Variants in SUPT5H observed in about 807,000 individuals in gnomAD.
SUPT5H encodes the protein SPT5 homolog, DSIF elongation factor subunit, also known as transcription elongation factor SPT5.
Under a neutral mutation model 142.5 loss-of-function variants are expected in SUPT5H, and 24 were observed. That is an observed-to-expected ratio of 0.17 (90% CI 0.12 to 0.24). SUPT5H has a LOEUF of 0.24. Ranked by LOEUF, SUPT5H falls within the 10% of genes least tolerant of loss-of-function variation. SUPT5H has a pLI of 1.00. For missense variants in SUPT5H, 893 were observed against 1,471.8 expected, an observed-to-expected ratio of 0.61 and a Z score of 6.43; for synonymous variants, 546 against 553.0, an observed-to-expected ratio of 0.99 and a Z score of 0.18.
At chr19:39,471,182 C>G (rs2079314453) in intron 18 of SUPT5H, among the ~76,000 whole-genome samples, 175 bp from the exon 19 acceptor site, 1 of 152,076 alleles carries the variant, frequency 6.6e-6, no homozygotes, top group South Asian at 2.1e-4. Context: ...TTTGGTTGAC[C>G]CAGTACCTAA....
intron 13 of SUPT5H, chr19:39,467,515 G>A (rs1206766250): frequency 6.6e-6 from 1 of 152,238 alleles, no homozygotes; most frequent in Non-Finnish European, 1.5e-5. Context: ...ATATTGAAAT[G>A]GGATTCATGG....
rs111847205 is a variant in SUPT5H at position 39,467,331 on chromosome 19, C to T, written c.1037+586C>T. On this transcript the variant is annotated intron_variant, in intron 13 of 29. Transcript: ENST00000432763. ...CCACGAGGCAGAAATTGCAGTGAGC[C>T]GAGATCGTGCCACTGCACTCCAGCC... The T allele has an allele frequency of 7.6e-3, 1,160 of 152,130 alleles. 6 individuals are homozygous for T. Among genetic ancestry groups the T allele is most frequent in the Middle Eastern group, 0.01 (3 of 294 alleles). The allele number at this position is 152,130 out of a possible 1,614,324, so 9.4% of individuals were successfully genotyped here.
rs975308926 is a variant in SUPT5H, at chr19:39,445,799, C to T, written c.-87-5C>T. On this transcript the variant is annotated splice_region_variant and splice_polypyrimidine_tract_variant and intron_variant, in intron 1 of 29. Transcript: ENST00000432763. ...GAAGCGCCCTAAGGGGTTTTCTTCTCCCAGGGAACCAGCGGGGAAACTGAG... is the reference window on the plus strand; with the variant it reads ...GAAGCGCCCTAAGGGGTTTTCTTCTTCCAGGGAACCAGCGGGGAAACTGAG... The T allele has an allele frequency of 5.3e-6, 8 of 1,504,810 alleles. No homozygotes were observed. The Middle Eastern group carries it at 5.1e-4, about 96-fold the overall frequency. 93.2% of individuals were successfully genotyped at this position (1,504,810 alleles called of 1,614,324 possible).
rs1215373382 is a variant in SUPT5H at position 39,474,759 on chromosome 19, C to T, written c.3024+41C>T. 1.3e-6 allele frequency: 2 copies of T among 1,562,572 alleles called. No homozygotes were observed. Among genetic ancestry groups the T allele is most frequent in the Non-Finnish European group, 1.7e-6 (2 of 1,151,964 alleles). On this transcript the variant is annotated intron_variant, in intron 28 of 29. Coordinates refer to ENST00000432763, the MANE Select transcript of SUPT5H (RefSeq NM_001111020.3). This position sits in a 1 kb window ranked among gnomAD's most constrained non-coding sequence, Gnocchi z 6.5. ...GGTGGTGGGTGAGCAGGCATCCTCT[C>T]CTTGGTACCCCCTAAACTGGAGACA...
rs938297493 is a variant in SUPT5H, at chr19:39,445,930, G to A, written c.40G>A (p.Asp14Asn). Residue 14 changes from aspartate (D) to asparagine (N), a missense_variant, in exon 2 of 30, where the codon GAC becomes AAC. This residue lies in a region of SUPT5H where 70 missense variants were observed against 70.5 expected (regional missense o/e 0.99). Coordinates refer to ENST00000432763, the MANE Select transcript of SUPT5H (RefSeq NM_001111020.3). ...GGACAGCAACTTTTCCGAGGAGGAG[G>A]ACAGCGAGCGCAGCAGTGACGGCGA... is the stretch of plus-strand genomic sequence containing the variant. Reference protein sequence around the residue: ...SEDSNFSEEEDSERSSDGEEA... With the variant: ...SEDSNFSEEENSERSSDGEEA... 3 of 1,613,528 alleles carry A rather than the reference G, an allele frequency of 1.9e-6. No individual in the cohort carries two copies. The highest frequency in any genetic ancestry group is 2.5e-6 in the Non-Finnish European group (3 of 1,180,040).
chr19:39,458,485 A>T lies in SUPT5H; in HGVS notation c.319+180A>T. The T allele has an allele frequency of 8.6e-7, 1 of 1,168,730 alleles. No individual in the cohort carries two copies. The highest frequency in any genetic ancestry group is 1.2e-6 in the Non-Finnish European group (1 of 829,108). 72.4% of individuals were successfully genotyped at this position (1,168,730 alleles called of 1,614,324 possible). On this transcript the variant is annotated intron_variant, in intron 5 of 29. Transcript: ENST00000432763. This position sits in a 1 kb window ranked among gnomAD's most constrained non-coding sequence, Gnocchi z 4.2. ...GGGGCCAGGTATACCCCAGTTGTTG[A>T]CCTGGGAAAGCACGGATGTGTCTGT...
Position 39,476,118 on chromosome 19 carries a change from A to G in SUPT5H, c.3062A>G (p.Lys1021Arg). ...MCSVYLKDSEKVVSISSEHLE... is the reference protein window; with the variant it reads ...MCSVYLKDSERVVSISSEHLE... ...TCTGTGTACCTGAAGGACAGTGAGA[A>G]GGTTGTCAGCATTTCCAGTGAGCAC... The change falls in exon 29 of 30, where the codon AAG becomes AGG. Residue 1021 changes from lysine to arginine, a missense_variant. Physicochemically the swap from Lys to Arg is conservative, Grantham distance 26. Coordinates refer to ENST00000432763, the MANE Select transcript of SUPT5H (RefSeq NM_001111020.3). 1 of 1,614,130 alleles carries G rather than the reference A, an allele frequency of 6.2e-7. No individual in the cohort carries two copies. Among genetic ancestry groups the G allele is most frequent in the Non-Finnish European group, 8.5e-7 (1 of 1,180,008 alleles).
Position 39,466,253 on chromosome 19 carries a change from AG to A in SUPT5H, c.877-224del. Among the ~76,000 whole-genome samples the A allele has an allele frequency of 6.6e-6, 1 of 152,120 alleles. No homozygotes were observed. The highest frequency in any genetic ancestry group is 1.9e-4 in the East Asian group (1 of 5,178). On this transcript the variant is annotated intron_variant, in intron 11 of 29. Coordinates refer to ENST00000432763, the MANE Select transcript of SUPT5H (RefSeq NM_001111020.3). This position sits in a 1 kb window ranked among gnomAD's most constrained non-coding sequence, Gnocchi z 4.3. ...TTTGGCTGCGGTCGTCCTGGATTTG[AG>A]GGACCTTTAGACATCCAGGTGGAGA... is the stretch of plus-strand genomic sequence containing the variant.
Position 39,473,181 on chromosome 19 carries a change from C to A in SUPT5H, c.2259-22C>A. ...GGCAGTGAGAGGGGTCTGCTCACCC[C>A]ATTTGTTCTCTGCGTCCCCAGGGGC... On this transcript the variant is annotated intron_variant, in intron 23 of 29. Coordinates refer to ENST00000432763, the MANE Select transcript of SUPT5H (RefSeq NM_001111020.3). This position sits in a 1 kb window ranked among gnomAD's most constrained non-coding sequence, Gnocchi z 5.8. 1.2e-6 allele frequency: 2 copies of A among 1,611,412 alleles called. No homozygotes were observed. The highest frequency in any genetic ancestry group is 1.7e-6 in the Non-Finnish European group (2 of 1,179,882).
intron 2 of SUPT5H, among the ~76,000 whole-genome samples, chr19:39,452,305 AC>A (rs1176308671): frequency 6.6e-6 from 1 of 152,190 alleles, no homozygotes; most frequent in Non-Finnish European, 1.5e-5. Flanking sequence ...AGATGAGGAC[AC>A]GTGTCATCTC....
At chr19:39,462,964 C>A (rs2079184676) in intron 10 of SUPT5H, among the ~76,000 whole-genome samples, 1 of 150,116 alleles carries the variant, frequency 6.7e-6, no homozygotes, top group Admixed American at 6.7e-5. Flanking sequence ...CTCAGCCTCC[C>A]AAGTAGCTGG....
chr19:39,458,024 C>A lies in SUPT5H; in HGVS notation c.308-270C>A. The A allele has an allele frequency of 1.4e-6, 1 of 730,328 alleles. No homozygotes were observed. Among genetic ancestry groups the A allele is most frequent in the Non-Finnish European group, 2.3e-6 (1 of 443,768 alleles). 45.2% of individuals were successfully genotyped at this position (730,328 alleles called of 1,614,324 possible). On this transcript the variant is annotated intron_variant, in intron 4 of 29. Coordinates refer to ENST00000432763, the MANE Select transcript of SUPT5H (RefSeq NM_001111020.3). This position sits in a 1 kb window ranked among gnomAD's most constrained non-coding sequence, Gnocchi z 4.2. The stretch of plus-strand genomic sequence containing the variant: ...GTTGTAGGGTGGGCGAGCTCTGTCC[C>A]AAGATACCCCCCACTTCCTGGGCCA...
chr19:39,470,349 G>A lies in SUPT5H; in HGVS notation c.1531-28G>A. ...CAGGTAGGCGAGCCACCTGGACTGG[G>A]CCTCACCCCTTTCACCATCCCTGGC... On this transcript the variant is annotated intron_variant, in intron 17 of 29. Transcript: ENST00000432763. This position sits in a 1 kb window ranked among gnomAD's most constrained non-coding sequence, Gnocchi z 5.8. The A allele has an allele frequency of 6.4e-7, 1 of 1,551,012 alleles. No individual in the cohort carries two copies. Among genetic ancestry groups the A allele is most frequent in the Non-Finnish European group, 8.7e-7 (1 of 1,143,932 alleles).
Position 39,458,798 on chromosome 19 carries a change from C to A in SUPT5H, c.320-20C>A. The A allele has an allele frequency of 6.2e-7, 1 of 1,604,286 alleles. No homozygotes were observed. Among genetic ancestry groups the A allele is most frequent in the South Asian group, 1.1e-5 (1 of 89,768 alleles). On this transcript the variant is annotated intron_variant, in intron 5 of 29. Coordinates refer to ENST00000432763, the MANE Select transcript of SUPT5H (RefSeq NM_001111020.3). This position sits in a 1 kb window ranked among gnomAD's most constrained non-coding sequence, Gnocchi z 4.2. Reference sequence around the variant, plus strand: ...CCCTCCACCTGCCCTTGCTCACGCCCTCTGCCCATTATTTTTCAGCCTCCA... The same window carrying A: ...CCCTCCACCTGCCCTTGCTCACGCCATCTGCCCATTATTTTTCAGCCTCCA...
Position 39,458,647 on chromosome 19 carries a change from A to G in SUPT5H, c.320-171A>G. The G allele has an allele frequency of 1.4e-6, 1 of 731,598 alleles. No individual in the cohort carries two copies. Among genetic ancestry groups the G allele is most frequent in the Non-Finnish European group, 2.2e-6 (1 of 450,834 alleles). The allele number at this position is 731,598 out of a possible 1,614,324, so 45.3% of individuals were successfully genotyped here. A position where few individuals can be genotyped will look rare whatever the true frequency, so the allele number is the denominator to read the frequency against. On this transcript the variant is annotated intron_variant, in intron 5 of 29. Transcript: ENST00000432763. The surrounding 1 kb of genome is among the most constrained non-coding windows in gnomAD (Gnocchi z 4.2). ...ATCCCCAGTCTTTTTGACAAGAAGC[A>G]GGATGCTGAGTAGGACAGAGTAGGG... is the stretch of plus-strand genomic sequence containing the variant.
chr19:39,466,468 C>T lies in SUPT5H; in HGVS notation c.877-12C>T, dbSNP rs370251508. 146 of 1,613,170 alleles carry T rather than the reference C, an allele frequency of 9.1e-5. No homozygotes were observed. Among genetic ancestry groups the T allele is most frequent in the African/African-American group, 3.5e-4 (26 of 74,872 alleles). ...AGTGGGGCCCTGCTGACCTTCTGCT[C>T]GCCCTGCTCAGGTGGACTACGTGGA... On this transcript the variant is annotated splice_polypyrimidine_tract_variant and intron_variant, in intron 11 of 29. Transcript: ENST00000432763. The surrounding 1 kb of genome is among the most constrained non-coding windows in gnomAD (Gnocchi z 4.3).
intron 18 of SUPT5H, 134 bp from the exon 19 acceptor site, chr19:39,471,223 C>T: frequency 9.3e-7 from 1 of 1,079,172 alleles, no homozygotes; most frequent in Non-Finnish European, 1.3e-6. Context: ...TGCCCCGCAG[C>T]CAGGGAATTG....
At position 39,458,275 on chromosome 19, in the gene SUPT5H, C is replaced by T. The variant is rs1380565038; in HGVS notation, c.308-19C>T. 8.4e-7 allele frequency: 1 copy of T among 1,197,170 alleles called. No individual in the cohort carries two copies. The highest frequency in any genetic ancestry group is 1.2e-6 in the Non-Finnish European group (1 of 828,528). 74.2% of individuals were successfully genotyped at this position (1,197,170 alleles called of 1,614,324 possible). ...CCACCACCACCACCACCACCACCAC[C>T]TCCTCTTCCTCCAAGTAGAAGAGAT... On this transcript the variant is annotated intron_variant, in intron 4 of 29. Coordinates refer to ENST00000432763, the MANE Select transcript of SUPT5H (RefSeq NM_001111020.3). The surrounding 1 kb of genome is among the most constrained non-coding windows in gnomAD (Gnocchi z 4.2).
chr19:39,470,386 C>T lies in SUPT5H; in HGVS notation c.1540C>T (p.Leu514Phe). 1 of 1,568,548 alleles carries T rather than the reference C, an allele frequency of 6.4e-7. No homozygotes were observed. Among genetic ancestry groups the T allele is most frequent in the Non-Finnish European group, 8.7e-7 (1 of 1,154,892 alleles). ...TCACCATCCCTGGCAGCTGAAGGTG[C>T]TCCCCCGGGACCTGCAGCTCTGCTC... The part of the protein sequence containing the change: ...SDLTMHELKV[L>F]PRDLQLCSET... The change falls in exon 18 of 30, where the codon CTC becomes TTC. Residue 514 changes from leucine to phenylalanine, a missense_variant. Around this residue, in one of 6 missense-constraint regions of SUPT5H, gnomAD observed 428 missense variants for 763.5 expected, o/e 0.56. Coordinates refer to ENST00000432763, the MANE Select transcript of SUPT5H (RefSeq NM_001111020.3). This position sits in a 1 kb window ranked among gnomAD's most constrained non-coding sequence, Gnocchi z 5.8.
Sources: allele counts gnomAD v4.1 joint callset (sites outside exome capture counted in the v4.1 genomes callset), GRCh38; gene constraint gnomAD v4.1.1; regional missense constraint gnomAD v4.1.1; non-coding constraint Gnocchi (gnomAD v3.1); transcripts MANE v1.5; gene names NCBI Gene and HGNC (gene_info 2026-07-23, HGNC 2026-07-21).